The following CNTNAP2 variants were observed in gnomAD, a reference collection of about 807,000 sequenced individuals.
CNTNAP2 encodes contactin-associated protein-like 2.
CNTNAP2 carries 98 observed loss-of-function variants against 155.2 expected under a neutral mutation model. That is an observed-to-expected ratio of 0.63 (90% CI 0.54 to 0.75). The LOEUF is 0.75. Among genes scored for constraint, CNTNAP2 ranks in the 30% least tolerant of loss-of-function variants. The pLI, the probability that CNTNAP2 is intolerant of heterozygous loss-of-function variation, is 0.00. For synonymous variants in CNTNAP2, 651 were observed against 631.2 expected (o/e 1.03, Z -0.47); for missense variants, 1,727 against 1,688.1 (o/e 1.02, Z -0.40).
intron 21 of CNTNAP2, among the ~76,000 whole-genome samples, chr7:148,352,161 G>A (rs1027408835): frequency 6.6e-6 from 1 of 152,210 alleles, no homozygotes; most frequent in African/African-American, 2.4e-5. Context: ...TGCCGCTGAA[G>A]GGTTTTAAGT....
At chr7:147,699,407 A>G (rs1796205148) in intron 13 of CNTNAP2, among the ~76,000 whole-genome samples, 1 of 151,946 alleles carries the variant, frequency 6.6e-6, no homozygotes, top group East Asian at 1.9e-4. Context: ...CAATGAGAAC[A>G]CATGGACACA....
chr7:146,378,300 G>T (rs1216672355), intron 1 of CNTNAP2, among the ~76,000 whole-genome samples: 1 of 152,126 alleles, frequency 6.6e-6, no homozygotes, highest in Admixed American at 6.5e-5. Flanking sequence ...TAATTGGCTT[G>T]AAATGTTGCC....
At chr7:146,813,927 C>A (rs1803116361) in intron 2 of CNTNAP2, among the ~76,000 whole-genome samples, 1 of 152,086 alleles carries the variant, frequency 6.6e-6, no homozygotes, top group Non-Finnish European at 1.5e-5. Flanking sequence ...GCATTTTCCC[C>A]TTTGCTTGGC....
chr7:146,404,967 T>A (rs1313254566), intron 1 of CNTNAP2, among the ~76,000 whole-genome samples: 1 of 152,168 alleles, frequency 6.6e-6, no homozygotes, highest in East Asian at 1.9e-4. Flanking sequence ...TATTTATCAA[T>A]GATTAGGTGA....
intron 15 of CNTNAP2, among the ~76,000 whole-genome samples, chr7:148,068,209 G>T (rs543240640): frequency 1.9e-4 from 29 of 151,432 alleles, no homozygotes; most frequent in African/African-American, 7.0e-4. Flanking sequence ...ATTCATATTT[G>T]GTCAAAATTA....
At chr7:148,149,620 C>T (rs1037440255) in intron 17 of CNTNAP2, among the ~76,000 whole-genome samples, 4 of 152,096 alleles carry the variant, frequency 2.6e-5, no homozygotes, top group East Asian at 1.9e-4. Context: ...TCTCAACTCA[C>T]GACTCACTGC....
rs1796459711 is a variant in CNTNAP2 at position 146,919,647 on chromosome 7, G to A, written c.402+79743G>A. 1.3e-5 allele frequency among the ~76,000 whole-genome samples: 2 copies of A among 152,134 alleles called. 1 individual carries two copies. The highest frequency in any genetic ancestry group is 1.3e-4 in the Admixed American group (2 of 15,264). On this transcript the variant is annotated intron_variant, in intron 3 of 23. Coordinates refer to ENST00000361727, the MANE Select transcript of CNTNAP2 (RefSeq NM_014141.6). ...TGGTTGTATTTTTGTTACATGCTCT[G>A]GTTTTGCTTTTGCTCGCCTCCAGCC...
intron 11 of CNTNAP2, among the ~76,000 whole-genome samples, chr7:147,488,664 C>T (rs1197783214): frequency 6.6e-6 from 1 of 152,110 alleles, no homozygotes; most frequent in Non-Finnish European, 1.5e-5. Context: ...CTAGCCCGGG[C>T]TTGGTCAGGA....
intron 12 of CNTNAP2, among the ~76,000 whole-genome samples, chr7:147,628,446 A>T (rs768067680): frequency 1.8e-4 from 27 of 152,202 alleles, no homozygotes; most frequent in Non-Finnish European, 3.8e-4. Flanking sequence ...AAAATTTGCC[A>T]CAACTAAGCC....
intron 3 of CNTNAP2, among the ~76,000 whole-genome samples, chr7:146,933,626 G>T (rs1401872561): frequency 1.4e-5 from 2 of 147,250 alleles, no homozygotes; most frequent in Non-Finnish European, 1.5e-5. Context: ...CACAGCAAAA[G>T]AAACTACCAT....
chr7:146,893,707 G>C (rs1297085319), intron 3 of CNTNAP2, among the ~76,000 whole-genome samples: 1 of 152,080 alleles, frequency 6.6e-6, no homozygotes, highest in Non-Finnish European at 1.5e-5. Context: ...CATACTGCCT[G>C]TCTCTTTAGG....
rs190342736 is a variant in CNTNAP2 at position 146,406,547 on chromosome 7, G to A, written c.97+289574G>A. Among the ~76,000 whole-genome samples, 304 of 152,276 alleles carry A rather than the reference G, an allele frequency of 2.0e-3. 3 individuals carry two copies. The highest frequency in any genetic ancestry group is 6.9e-3 in the African/African-American group (287 of 41,560). ...GAATAAGGAGCTGAGATCTTGAGAG[G>A]CTGACATGCAGAAAAGCTGAGATAT... On this transcript the variant is annotated intron_variant, in intron 1 of 23. Coordinates refer to ENST00000361727, the MANE Select transcript of CNTNAP2 (RefSeq NM_014141.6).
intron 13 of CNTNAP2, among the ~76,000 whole-genome samples, chr7:147,684,820 G>A (rs1259200202): frequency 6.6e-6 from 1 of 151,812 alleles, no homozygotes; most frequent in African/African-American, 2.4e-5. Context: ...AAAAAATATA[G>A]CTTAGTTAGC....
chr7:147,509,523 T>C (rs1422680755), intron 11 of CNTNAP2, among the ~76,000 whole-genome samples: 1 of 152,156 alleles, frequency 6.6e-6, no homozygotes, highest in Non-Finnish European at 1.5e-5. Flanking sequence ...TCTCTTCCCT[T>C]CATTGTGCTT....
At chr7:146,977,416 T>G (rs1797933211) in intron 3 of CNTNAP2, among the ~76,000 whole-genome samples, 1 of 152,166 alleles carries the variant, frequency 6.6e-6, no homozygotes, top group Non-Finnish European at 1.5e-5. Flanking sequence ...CAGTAGAGAA[T>G]GAAACGATAT....
intron 4 of CNTNAP2, among the ~76,000 whole-genome samples, chr7:147,062,392 G>A (rs6973868): frequency 0.61 from 92,449 of 151,764 alleles, 30,981 homozygotes; most frequent in African/African-American, 0.9. Flanking sequence ...TTAGAGCAGA[G>A]TATGCATGCA....
chr7:146,990,986 C>A (rs1798198163), intron 3 of CNTNAP2, among the ~76,000 whole-genome samples: 1 of 152,050 alleles, frequency 6.6e-6, no homozygotes, highest in African/African-American at 2.4e-5. Context: ...ACCCCACCTG[C>A]CATTTTGGTT....
At chr7:147,994,760 C>CT (rs1382980594) in intron 15 of CNTNAP2, among the ~76,000 whole-genome samples, 1 of 152,146 alleles carries the variant, frequency 6.6e-6, no homozygotes, top group African/African-American at 2.4e-5. Flanking sequence ...TTGGGTATGT[C>CT]TTTATCAGCC....
rs985207911 is a variant in CNTNAP2 at position 146,906,001 on chromosome 7, G to C, written c.402+66097G>C. ...CATTGCCTCACCTGGGAAGCGCAAGGGGTCAGGGAGTTCCCTTTCCGAGTC... is the reference window on the plus strand; with the variant it reads ...CATTGCCTCACCTGGGAAGCGCAAGCGGTCAGGGAGTTCCCTTTCCGAGTC... On this transcript the variant is annotated intron_variant, in intron 3 of 23. Coordinates refer to ENST00000361727, the MANE Select transcript of CNTNAP2 (RefSeq NM_014141.6). 2.6e-5 allele frequency among the ~76,000 whole-genome samples: 4 copies of C among 152,232 alleles called. No individual in the cohort carries two copies. The South Asian group carries it at 8.3e-4, about 31-fold the overall frequency.
Sources: allele counts gnomAD v4.1 joint callset (sites outside exome capture counted in the v4.1 genomes callset), GRCh38; gene constraint gnomAD v4.1.1; transcripts MANE v1.5; gene names NCBI Gene and HGNC (gene_info 2026-07-23, HGNC 2026-07-21).